Variants in APAF1 observed in about 807,000 individuals in gnomAD.
APAF1 encodes the protein apoptotic peptidase activating factor 1.
APAF1 carries 91 observed loss-of-function variants against 152.4 expected under a neutral mutation model. That is an observed-to-expected ratio of 0.60 (90% CI 0.50 to 0.71). The LOEUF is 0.71. APAF1 is among the 30% of genes least tolerant of loss of function. The pLI is 0.00. For missense variants in APAF1, 1,283 were observed against 1,472.0 expected, an observed-to-expected ratio of 0.87 and a Z score of 2.10; for synonymous variants, 484 against 494.1, an observed-to-expected ratio of 0.98 and a Z score of 0.27.
chr12:98,714,721 C>T (rs1056813081), intron 21 of APAF1, among the ~76,000 whole-genome samples: 1 of 152,094 alleles, frequency 6.6e-6, no homozygotes, highest in Admixed American at 6.5e-5. Context: ...CTGGTGTCTC[C>T]TGCTTTAGCA....
chr12:98,683,678 C>G (rs1022797551), intron 15 of APAF1, among the ~76,000 whole-genome samples: 1 of 152,108 alleles, frequency 6.6e-6, no homozygotes, highest in African/African-American at 2.4e-5. Context: ...TTTAGAGAAG[C>G]CTTTATTTGA....
intron 7 of APAF1, among the ~76,000 whole-genome samples, chr12:98,663,660 TC>T (rs2097668370): frequency 6.6e-6 from 1 of 152,208 alleles, no homozygotes; most frequent in African/African-American, 2.4e-5. Context: ...TTCTTCTTTT[TC>T]TTTTTTTTTC....
intron 16 of APAF1, among the ~76,000 whole-genome samples, chr12:98,695,717 C>G (rs1262303188): frequency 1.3e-5 from 2 of 152,330 alleles, no homozygotes; most frequent in East Asian, 3.9e-4. Flanking sequence ...CACAGGCCCC[C>G]TGGGTTGCAG....
intron 7 of APAF1, among the ~76,000 whole-genome samples, chr12:98,665,255 CATATATATAT>C (rs35804742): frequency 2.0e-5 from 2 of 97,872 alleles, no homozygotes. Context: ...TAGACTGGCG[CATATATATAT>C]ATATATATAT....
In APAF1 at chr12:98,666,235, A is replaced by G. The variant is rs1593040289; in HGVS notation, c.1240A>G (p.Ile414Val). 6.2e-7 allele frequency: 1 copy of G among 1,614,028 alleles called. No homozygotes were observed. Among genetic ancestry groups the G allele is most frequent in the Non-Finnish European group, 8.5e-7 (1 of 1,179,922 alleles). ...CATGGAAACTGAAGAAGTTGAAGAC[A>G]TACTGCAGGAGTTTGTAAATAAGTC... ...WDMETEEVEDILQEFVNKSLL... is the reference protein window; with the variant it reads ...WDMETEEVEDVLQEFVNKSLL... Residue 414 changes from isoleucine to valine, a missense_variant, in exon 9 of 27, where the codon ATA becomes GTA. Ile to Val is a conservative substitution (Grantham distance 29). Coordinates refer to ENST00000551964, the MANE Select transcript of APAF1 (RefSeq NM_181861.2).
At chr12:98,670,479 A>G (rs1447687827) in intron 10 of APAF1, among the ~76,000 whole-genome samples, 2 of 151,966 alleles carry the variant, frequency 1.3e-5, no homozygotes, top group Admixed American at 6.5e-5. Context: ...ATAATTTTCT[A>G]TAAAAATAAG....
chr12:98,657,826 A>G (rs565989451), intron 4 of APAF1, among the ~76,000 whole-genome samples: 1 of 152,322 alleles, frequency 6.6e-6, no homozygotes, highest in Non-Finnish European at 1.5e-5. Context: ...CCTCATTTTC[A>G]AAATGAAGAT....
intron 18 of APAF1, 82 bp downstream of exon 18, chr12:98,703,581 C>T: frequency 6.5e-7 from 1 of 1,544,954 alleles, no homozygotes; most frequent in South Asian, 1.1e-5. Context: ...AAACCATTAA[C>T]TGCTGAGGAG....
At chr12:98,718,528 G>A (rs915077432) in intron 22 of APAF1, among the ~76,000 whole-genome samples, 3 of 151,814 alleles carry the variant, frequency 2.0e-5, no homozygotes, top group East Asian at 3.9e-4. Flanking sequence ...CACCGTGCCC[G>A]GCCTTCTTTT....
chr12:98,706,006 C>T (rs894169951), intron 18 of APAF1, among the ~76,000 whole-genome samples: 2 of 152,188 alleles, frequency 1.3e-5, no homozygotes, highest in South Asian at 4.1e-4. Context: ...TTTGGCTTAA[C>T]TGTCCAATAT....
chr12:98,662,716 G>C lies in APAF1; in HGVS notation c.865G>C (p.Glu289Gln). 1.2e-6 allele frequency: 2 copies of C among 1,613,018 alleles called. No individual in the cohort carries two copies. The highest frequency in any genetic ancestry group is 1.7e-6 in the Non-Finnish European group (2 of 1,179,598). ...CCCTGTGGAGAGTTCCTTAGGAAAG[G>C]AAAAAGGACTTGAAATTTTATCCCT... ...VVPVESSLGK[E>Q]KGLEILSLFV... Residue 289 changes from glutamate to glutamine, a missense_variant, in exon 7 of 27, where the codon GAA becomes CAA. By Grantham distance (29) the Glu-to-Gln change is conservative. Transcript: ENST00000551964.
chr12:98,666,825 G>A (rs972189824), intron 9 of APAF1, among the ~76,000 whole-genome samples: 6 of 151,170 alleles, frequency 4.0e-5, no homozygotes, highest in African/African-American at 1.5e-4. Context: ...TCTCAGTGGC[G>A]TCATAGGCTG....
At chr12:98,690,478 G>A (rs777903794) in intron 16 of APAF1, among the ~76,000 whole-genome samples, 1 of 152,156 alleles carries the variant, frequency 6.6e-6, no homozygotes, top group Non-Finnish European at 1.5e-5. Flanking sequence ...TTTACTCAGT[G>A]AAAGACTTCA....
chr12:98,730,869 A>G (rs1239061836), intron 26 of APAF1, among the ~76,000 whole-genome samples: 2 of 152,340 alleles, frequency 1.3e-5, no homozygotes, highest in East Asian at 3.9e-4. Flanking sequence ...CTTCCAAATT[A>G]TTCCTATTTA....
chr12:98,722,772 C>T (rs2097744810), intron 22 of APAF1, among the ~76,000 whole-genome samples: 1 of 152,126 alleles, frequency 6.6e-6, no homozygotes, highest in Non-Finnish European at 1.5e-5. Flanking sequence ...AACTGGCCTT[C>T]CCAGGCCAGC....
At chr12:98,720,762 G>A (rs1374894998) in intron 22 of APAF1, among the ~76,000 whole-genome samples, 1 of 152,106 alleles carries the variant, frequency 6.6e-6, no homozygotes, top group African/African-American at 2.4e-5. Context: ...TCAGGAGATC[G>A]AGACCATCCT....
intron 26 of APAF1, 142 bp downstream of exon 26, chr12:98,727,458 G>A (rs2097752181): frequency 3.3e-6 from 3 of 898,138 alleles, no homozygotes; most frequent in Non-Finnish European, 5.1e-6. Context: ...AAGGTGGGAG[G>A]ATCGCTGGAG....
At position 98,732,853 on chromosome 12, in the gene APAF1, C is replaced by T. The variant is rs17227606; in HGVS notation, c.*287C>T. The T allele has an allele frequency of 3.1e-3, 1,102 of 351,378 alleles. 5 individuals are homozygous for T. Among genetic ancestry groups the T allele is most frequent in the Non-Finnish European group, 4.2e-3 (807 of 190,420 alleles). The allele number at this position is 351,378 out of a possible 1,614,324, so 21.8% of individuals were successfully genotyped here. On this transcript the variant is annotated 3_prime_UTR_variant, in exon 27 of 27. Coordinates refer to ENST00000551964, the MANE Select transcript of APAF1 (RefSeq NM_181861.2). ...CTGTTGGTAAAATTCTGTCTTGATGCATTCAAAATGGTTGACATAATTAAT... is the reference window on the plus strand; with the variant it reads ...CTGTTGGTAAAATTCTGTCTTGATGTATTCAAAATGGTTGACATAATTAAT...
chr12:98,651,104 T>C (rs1276860160), intron 4 of APAF1, among the ~76,000 whole-genome samples: 2 of 152,232 alleles, frequency 1.3e-5, no homozygotes, highest in African/African-American at 2.4e-5. Flanking sequence ...ATCCTAGAGA[T>C]ACTGGCAACT....
Sources: gnomAD v4.1 joint callset for allele counts (sites outside exome capture counted in the v4.1 genomes callset) on GRCh38, gnomAD v4.1.1 for gene constraint, MANE v1.5 for transcripts, NCBI Gene and HGNC (gene_info 2026-07-23, HGNC 2026-07-21) for gene names.